Variants in DZIP1 observed in about 807,000 individuals in gnomAD.
The protein encoded by DZIP1 is DAZ interacting zinc finger protein 1.
DZIP1 carries 97 observed loss-of-function variants against 107.6 expected under a neutral mutation model. That is an observed-to-expected ratio of 0.90 (90% CI 0.77 to 1.07). DZIP1 has a LOEUF of 1.07. Among genes scored for constraint, DZIP1 ranks in the 50% least tolerant of loss-of-function variants. The probability of loss-of-function intolerance (pLI) is 0.00; values close to 1 mark genes in which losing one functional copy is unlikely to be tolerated. For synonymous variants in DZIP1, 390 were observed against 386.4 expected, an observed-to-expected ratio of 1.01 and a Z score of -0.11; for missense variants, 1,035 against 1,063.6, an observed-to-expected ratio of 0.97 and a Z score of 0.37.
At chr13:95,633,632 T>G (rs1192877956) in intron 5 of DZIP1, among the ~76,000 whole-genome samples, 1 of 147,676 alleles carries the variant, frequency 6.8e-6, no homozygotes, top group East Asian at 2.0e-4. Flanking sequence ...TGAGCTGAGA[T>G]TGCACCACTG....
intron 3 of DZIP1, among the ~76,000 whole-genome samples, chr13:95,642,552 G>A (rs1393917368): frequency 1.3e-5 from 2 of 152,098 alleles, no homozygotes; most frequent in South Asian, 2.1e-4. Flanking sequence ...TTTTACACAC[G>A]ATTTAGAAAA....
rs2044138747 is a variant in DZIP1 at position 95,585,566 on chromosome 13, AT to A, written c.2349+439del. On this transcript the variant is annotated intron_variant, in intron 21 of 22. Coordinates refer to ENST00000376829, the MANE Select transcript of DZIP1 (RefSeq NM_198968.4). ...CCTGGCTGTTAGAACCACTGGGAAA[AT>A]GTTTGGGCTTCTTCTCTAATGCAGA... is the stretch of plus-strand genomic sequence containing the variant. 2.0e-5 allele frequency among the ~76,000 whole-genome samples: 3 copies of A among 152,294 alleles called. No homozygotes were observed. In the South Asian group the frequency reaches 6.2e-4, roughly 32 times the overall value.
intron 10 of DZIP1, among the ~76,000 whole-genome samples, chr13:95,619,101 G>A (rs1404886834): frequency 6.6e-6 from 1 of 152,120 alleles, no homozygotes; most frequent in Non-Finnish European, 1.5e-5. Flanking sequence ...TCAGAAACAT[G>A]TATTTGACAA....
Position 95,642,026 on chromosome 13 carries a change from G to C in DZIP1, c.4C>G (p.Gln2Glu), listed in dbSNP as rs758239362. 2 of 1,574,172 alleles carry C rather than the reference G, an allele frequency of 1.3e-6. No homozygotes were observed. The highest frequency in any genetic ancestry group is 1.1e-5 in the South Asian group (1 of 88,018). Residue 2 changes from glutamine to glutamate, a missense_variant, in exon 4 of 23, where the codon CAA becomes GAA. By Grantham distance (29) the Gln-to-Glu change is conservative (BLOSUM62 2). Coordinates refer to ENST00000376829, the MANE Select transcript of DZIP1 (RefSeq NM_198968.4). M[Q>E]AEAADWFSSM... ...GAAAACCAATCCGCTGCCTCAGCTT[G>C]CATAGGAGGAGCCGGGCGGTCTTTA...
chr13:95,636,281 G>A (rs936070417), intron 5 of DZIP1, among the ~76,000 whole-genome samples: 7 of 151,684 alleles, frequency 4.6e-5, no homozygotes, highest in Admixed American at 1.3e-4. Context: ...AGTGGCTCAC[G>A]CCTGTAATCC....
intron 15 of DZIP1, among the ~76,000 whole-genome samples, chr13:95,598,633 A>G (rs906997497): frequency 3.9e-5 from 6 of 152,146 alleles, no homozygotes; most frequent in African/African-American, 1.4e-4. Context: ...GCTTTCTCCT[A>G]AAGAAGTGAT....
At chr13:95,610,095 T>A (rs2044936855) in intron 12 of DZIP1, among the ~76,000 whole-genome samples, 7 of 77,824 alleles carry the variant, frequency 9.0e-5, no homozygotes, top group African/African-American at 4.2e-4. Context: ...TGTGTGTGTG[T>A]GTGTGTGTGT....
intron 6 of DZIP1, among the ~76,000 whole-genome samples, chr13:95,631,820 TA>T (rs1877230661): frequency 1.3e-5 from 2 of 152,144 alleles, no homozygotes; most frequent in African/African-American, 2.4e-5. Context: ...CTGGATACAG[TA>T]GGACCACTCC....
intron 15 of DZIP1, among the ~76,000 whole-genome samples, chr13:95,594,654 AT>A (rs869209443): frequency 1.5e-4 from 23 of 151,966 alleles, no homozygotes; most frequent in South Asian, 6.2e-4. Context: ...AAATATAAAA[AT>A]TTTTTTTCAA....
At chr13:95,605,609 C>T (rs1393051056) in intron 14 of DZIP1, among the ~76,000 whole-genome samples, 1 of 152,172 alleles carries the variant, frequency 6.6e-6, no homozygotes, top group Admixed American at 6.5e-5. Flanking sequence ...GACTTGCTGC[C>T]ACATTGAAAG....
chr13:95,582,137 G>C lies in DZIP1; in HGVS notation c.*97C>G. On this transcript the variant is annotated 3_prime_UTR_variant, in exon 23 of 23. Coordinates refer to ENST00000376829, the MANE Select transcript of DZIP1 (RefSeq NM_198968.4). ...GTCTCTGTGTTGCTGTGGGAAACACGGTAAGGCAGAAGCACTAGAATCATG... is the reference window on the plus strand; with the variant it reads ...GTCTCTGTGTTGCTGTGGGAAACACCGTAAGGCAGAAGCACTAGAATCATG... 1 of 1,162,856 alleles carries C rather than the reference G, an allele frequency of 8.6e-7. No individual in the cohort carries two copies. The highest frequency in any genetic ancestry group is 1.3e-6 in the Non-Finnish European group (1 of 777,268). The allele number at this position is 1,162,856 out of a possible 1,614,324, so 72.0% of individuals were successfully genotyped here.
At chr13:95,640,307 C>G (rs979037260) in intron 5 of DZIP1, among the ~76,000 whole-genome samples, 3 of 152,076 alleles carry the variant, frequency 2.0e-5, no homozygotes, top group African/African-American at 7.2e-5. Context: ...CACTGTTCCC[C>G]TATCTTAAGA....
At chr13:95,613,396 C>T (rs1414204277) in intron 10 of DZIP1, among the ~76,000 whole-genome samples, 1 of 151,974 alleles carries the variant, frequency 6.6e-6, no homozygotes, top group African/African-American at 2.4e-5. Flanking sequence ...GCCTGTAATC[C>T]CATCTACTCA....
chr13:95,611,829 TTAAC>T (rs1305278329), intron 11 of DZIP1, among the ~76,000 whole-genome samples: 2 of 152,218 alleles, frequency 1.3e-5, no homozygotes, highest in Non-Finnish European at 2.9e-5. Flanking sequence ...ATTTTGAACT[TTAAC>T]TGTATAAATC....
Position 95,633,411 on chromosome 13 carries a change from T to C in DZIP1, c.598-90A>G, listed in dbSNP as rs1877432778. 3 of 1,113,838 alleles carry C rather than the reference T, an allele frequency of 2.7e-6. No homozygotes were observed. The Admixed American group carries it at 5.7e-5, about 21-fold the overall frequency. 69.0% of individuals were successfully genotyped at this position (1,113,838 alleles called of 1,614,324 possible). On this transcript the variant is annotated intron_variant, in intron 5 of 22. Coordinates refer to ENST00000376829, the MANE Select transcript of DZIP1 (RefSeq NM_198968.4). The stretch of plus-strand genomic sequence containing the variant: ...AAAATTCAGGTACCTGGCCAGGCAC[T>C]GTGGCTCACGCCTGTAATCCCAGCA...
At position 95,581,447 on chromosome 13, in the gene DZIP1, T is replaced by C. The variant is rs1404760708; in HGVS notation, c.*787A>G. On this transcript the variant is annotated 3_prime_UTR_variant, in exon 23 of 23. Transcript: ENST00000376829. ...ATAACTATACTTTATTCATAAAATA[T>C]CCAAGATAAAGAATATGCTATATAA... 6.6e-6 allele frequency: 1 copy of C among 152,400 alleles called. No individual in the cohort carries two copies. The highest frequency in any genetic ancestry group is 1.5e-5 in the Non-Finnish European group (1 of 68,030). The allele number at this position is 152,400 out of a possible 1,614,324, so 9.4% of individuals were successfully genotyped here.
intron 7 of DZIP1, among the ~76,000 whole-genome samples, chr13:95,628,967 C>A (rs1386803204): frequency 6.6e-6 from 1 of 152,082 alleles, no homozygotes; most frequent in Non-Finnish European, 1.5e-5. Flanking sequence ...CTCAACACTA[C>A]CGAACTGTAC....
intron 5 of DZIP1, among the ~76,000 whole-genome samples, chr13:95,634,639 C>A (rs892604049): frequency 2.6e-5 from 4 of 152,180 alleles, no homozygotes; most frequent in African/African-American, 9.7e-5. Context: ...TATATACTCA[C>A]CCCTGGATTA....
rs199749685 is a variant in DZIP1 at position 95,611,398 on chromosome 13, T to C, written c.1363+47A>G. On this transcript the variant is annotated intron_variant, in intron 12 of 22. Transcript: ENST00000376829. ...CACATTCTTCTGAAGCCCAGTGCAA[T>C]TGGGGAGGTTCCCCTTGCCGCCAGT... is the stretch of plus-strand genomic sequence containing the variant. The C allele has an allele frequency of 1.2e-4, 175 of 1,503,964 alleles. No individual in the cohort carries two copies. In the African/African-American group the frequency reaches 1.2e-3, roughly 10 times the overall value. The allele number at this position is 1,503,964 out of a possible 1,614,324, so 93.2% of individuals were successfully genotyped here.
Sources: gnomAD v4.1 joint callset for allele counts (sites outside exome capture counted in the v4.1 genomes callset) on GRCh38, gnomAD v4.1.1 for gene constraint, MANE v1.5 for transcripts, NCBI Gene and HGNC (gene_info 2026-07-23, HGNC 2026-07-21) for gene names.